Variants in PLCE1 observed in about 807,000 individuals in gnomAD.
The protein encoded by PLCE1 is 1-phosphatidylinositol 4,5-bisphosphate phosphodiesterase epsilon-1.
A neutral mutation model predicts 242.8 loss-of-function variants in PLCE1; 119 were observed. The ratio of observed to expected loss-of-function variants is 0.49; its 90% CI spans 0.42 to 0.57. The LOEUF (loss-of-function observed/expected upper bound fraction) is 0.57, where lower values mean the gene tolerates loss of function less well. Ranked by LOEUF, PLCE1 falls within the 20% of genes least tolerant of loss-of-function variation. The pLI, the probability that PLCE1 is intolerant of heterozygous loss-of-function variation, is 0.00. For missense variants in PLCE1, 2,441 were observed against 2,788.8 expected, an observed-to-expected ratio of 0.88 and a Z score of 2.81; for synonymous variants, 945 against 1,017.4, an observed-to-expected ratio of 0.93 and a Z score of 1.35.
chr10:94,106,105 C>T (rs1003075467), intron 2 of PLCE1: 13 of 152,320 alleles, frequency 8.5e-5, no homozygotes, highest in African/African-American at 3.1e-4. Context: ...CATGTAGCCA[C>T]TATGGCATGG....
intron 23 of PLCE1, among the ~76,000 whole-genome samples, chr10:94,296,437 G>A (rs185275813): frequency 1.5e-4 from 22 of 151,408 alleles, no homozygotes; most frequent in Non-Finnish European, 2.5e-4. Context: ...TAGAACTTAC[G>A]AATAACTTAC....
At chr10:94,299,169 T>G (rs1039919766) in intron 24 of PLCE1, among the ~76,000 whole-genome samples, 2 of 152,198 alleles carry the variant, frequency 1.3e-5, no homozygotes, top group Non-Finnish European at 2.9e-5. Flanking sequence ...AACAACTATG[T>G]GAAGTACATG....
chr10:94,233,407 C>T (rs1176232956), intron 5 of PLCE1, among the ~76,000 whole-genome samples: 1 of 152,104 alleles, frequency 6.6e-6, no homozygotes, highest in African/African-American at 2.4e-5. Context: ...GCCAAGTTTC[C>T]CCAGGCAGTC....
At chr10:94,059,838 T>G (rs1327129058) in intron 2 of PLCE1, among the ~76,000 whole-genome samples, 2 of 152,356 alleles carry the variant, frequency 1.3e-5, no homozygotes, top group East Asian at 3.9e-4. Flanking sequence ...TTTTAGTGAA[T>G]GTAGTGAGTG....
intron 2 of PLCE1, among the ~76,000 whole-genome samples, chr10:94,111,671 A>AG (rs5787100): frequency 0.89 from 135,515 of 152,156 alleles, 61,443 homozygotes; most frequent in South Asian, 0.98. Flanking sequence ...GTTCTGGAAG[A>AG]AGGAAAGAAG....
chr10:94,202,136 T>A (rs1590235061), intron 4 of PLCE1, among the ~76,000 whole-genome samples: 1 of 152,184 alleles, frequency 6.6e-6, no homozygotes, highest in South Asian at 2.1e-4. Context: ...AATTTACAGG[T>A]GTTACAGAAC....
chr10:94,133,974 G>T (rs1357891313), intron 3 of PLCE1, among the ~76,000 whole-genome samples: 2 of 152,148 alleles, frequency 1.3e-5, no homozygotes, highest in African/African-American at 2.4e-5. Flanking sequence ...TTCCCAGGAA[G>T]TTGGGCTGAG....
rs183032629 is a variant in PLCE1, at chr10:94,027,933, G to A, written c.-364-2750G>A. ...AGACATCAGAAACCCAAACCCATAG[G>A]GCTTCAGACTAGATGGAAGATAAAA... is the stretch of plus-strand genomic sequence containing the variant. On this transcript the variant is annotated intron_variant, in intron 1 of 32. Transcript: ENST00000371380. Among the ~76,000 whole-genome samples, 150 of 152,148 alleles carry A rather than the reference G, an allele frequency of 9.9e-4. 1 individual carries two copies. The highest frequency in any genetic ancestry group is 3.4e-3 in the Middle Eastern group (1 of 294).
At chr10:94,134,643 C>T (rs932003073) in intron 3 of PLCE1, among the ~76,000 whole-genome samples, 1 of 152,194 alleles carries the variant, frequency 6.6e-6, no homozygotes, top group Non-Finnish European at 1.5e-5. Flanking sequence ...AAACGGATCT[C>T]TAGGCTGCCC....
chr10:94,154,066 A>T (rs1158282262), intron 3 of PLCE1, among the ~76,000 whole-genome samples: 1 of 152,246 alleles, frequency 6.6e-6, no homozygotes, highest in African/African-American at 2.4e-5. Flanking sequence ...TCTTATTTCA[A>T]AACTTACTAC....
chr10:94,036,012 A>C lies in PLCE1; in HGVS notation c.1206+3760A>C, dbSNP rs1306991382. On this transcript the variant is annotated intron_variant, in intron 2 of 32. Coordinates refer to ENST00000371380, the MANE Select transcript of PLCE1 (RefSeq NM_016341.4). ...GCCAAGTATACAGAGAATAAGGGCA[A>C]TGTAATGGTTACAAATACAGTCTCT... is the stretch of plus-strand genomic sequence containing the variant. 2.6e-5 allele frequency among the ~76,000 whole-genome samples: 4 copies of C among 152,218 alleles called. No homozygotes were observed. The East Asian group carries it at 7.7e-4, about 29-fold the overall frequency.
In PLCE1 at chr10:94,252,255, T is replaced by C. The variant is rs2050905092; in HGVS notation, c.3097-61T>C. ...CTTGGAATTTTCTGGGAGACATTAA[T>C]ATATTTACTTCCCCATTGCTTGATG... On this transcript the variant is annotated intron_variant, in intron 8 of 32. Coordinates refer to ENST00000371380, the MANE Select transcript of PLCE1 (RefSeq NM_016341.4). 13 of 1,465,398 alleles carry C rather than the reference T, an allele frequency of 8.9e-6. No individual in the cohort carries two copies. In the South Asian group the frequency reaches 1.4e-4, roughly 15 times the overall value. The allele number at this position is 1,465,398 out of a possible 1,614,324, so 90.8% of individuals were successfully genotyped here. A position where few individuals can be genotyped will look rare whatever the true frequency, so the allele number is the denominator to read the frequency against.
chr10:94,127,097 G>A (rs888822518), intron 2 of PLCE1, among the ~76,000 whole-genome samples: 4 of 152,232 alleles, frequency 2.6e-5, no homozygotes, highest in African/African-American at 9.6e-5. Flanking sequence ...TTATAGATTA[G>A]TGTGTGGATT....
rs2053935171 is a variant in PLCE1 at position 94,324,429 on chromosome 10, G to A, written c.6582G>A (p.Val2194=). ...PSDYVLLEEV[V]KDTTNKKTTT... is the part of the protein sequence containing the mutation. ...ACTATGTGCTTTTGGAAGAGGTGGT[G>A]AAAGACACTACCAACAAGAAGACTA... The change falls in exon 31 of 33, where the codon GTG becomes GTA. Residue 2194 remains valine (V), a synonymous_variant. Transcript: ENST00000371380. 1.9e-6 allele frequency: 3 copies of A among 1,614,032 alleles called. No individual in the cohort carries two copies. The highest frequency in any genetic ancestry group is 2.5e-6 in the Non-Finnish European group (3 of 1,180,020).
At position 94,051,476 on chromosome 10, in the gene PLCE1, A is replaced by G. The variant is rs368730185; in HGVS notation, c.1206+19224A>G. Among the ~76,000 whole-genome samples the G allele has an allele frequency of 4.8e-4, 73 of 152,180 alleles. 1 individual carries two copies. The East Asian group carries it at 7.3e-3, about 15-fold the overall frequency. ...CATTGTAAAAGAAACTGATCCATCT[A>G]AAAAAGAAGTCATGCCCATCCAAAG... On this transcript the variant is annotated intron_variant, in intron 2 of 32. Coordinates refer to ENST00000371380, the MANE Select transcript of PLCE1 (RefSeq NM_016341.4).
intron 2 of PLCE1, among the ~76,000 whole-genome samples, chr10:94,120,185 G>C (rs2046258828): frequency 6.6e-6 from 1 of 152,146 alleles, no homozygotes; most frequent in Non-Finnish European, 1.5e-5. Context: ...ATGTCCTCCT[G>C]CCCTGCCTAA....
At chr10:94,018,680 T>C (rs1225697895) in intron 1 of PLCE1, among the ~76,000 whole-genome samples, 3 of 152,226 alleles carry the variant, frequency 2.0e-5, no homozygotes, top group Admixed American at 1.3e-4. Flanking sequence ...ATTGAATATT[T>C]TGTGGTATTA....
intron 1 of PLCE1, among the ~76,000 whole-genome samples, chr10:93,999,037 T>C (rs2060881985): frequency 6.6e-6 from 1 of 152,178 alleles, no homozygotes; most frequent in African/African-American, 2.4e-5. Flanking sequence ...ATTTTAGACT[T>C]CTGACCTCCA....
In PLCE1 at chr10:94,328,564, G is replaced by C. The variant is rs2054113966; in HGVS notation, c.*621G>C. 1 of 152,080 alleles carries C rather than the reference G, an allele frequency of 6.6e-6. No homozygotes were observed. The highest frequency in any genetic ancestry group is 2.4e-5 in the African/African-American group (1 of 41,372). The allele number at this position is 152,080 out of a possible 1,614,324, so 9.4% of individuals were successfully genotyped here. Reference sequence around the variant, plus strand: ...CAACACAACTAAGAGAAGAGAACTGGGAACAAGGAGCACAAAGATCTGAAA... The same window carrying C: ...CAACACAACTAAGAGAAGAGAACTGCGAACAAGGAGCACAAAGATCTGAAA... On this transcript the variant is annotated 3_prime_UTR_variant, in exon 33 of 33. Coordinates refer to ENST00000371380, the MANE Select transcript of PLCE1 (RefSeq NM_016341.4).
Sources: allele counts gnomAD v4.1 joint callset (sites outside exome capture counted in the v4.1 genomes callset), GRCh38; gene constraint gnomAD v4.1.1; transcripts MANE v1.5; gene names NCBI Gene and HGNC (gene_info 2026-07-23, HGNC 2026-07-21).